Variants in ZNF705G observed in about 807,000 individuals in gnomAD.
ZNF705G encodes the protein zinc finger protein 705G.
A neutral mutation model predicts 19.6 loss-of-function variants in ZNF705G; 23 were observed. The ratio of observed to expected loss-of-function variants is 1.17; its 90% confidence interval spans 0.84 to 1.66. The LOEUF (loss-of-function observed/expected upper bound fraction) is 1.66. Among genes scored for constraint, ZNF705G ranks in the 40% most tolerant of loss-of-function variants. ZNF705G has a pLI of 0.00. For missense variants in ZNF705G, 457 were observed against 354.4 expected, an observed-to-expected ratio of 1.29 and a Z score of -2.32; for synonymous variants, 146 against 117.7, an observed-to-expected ratio of 1.24 and a Z score of -1.56.
rs1292164744 is a variant in ZNF705G at position 7,356,652 on chromosome 8, G to C, written c.*1324C>G. On this transcript the variant is annotated 3_prime_UTR_variant, in exon 7 of 7. Transcript: ENST00000400156. ...TGGACGTTGAAGTAAAGGGAGGTGA[G>C]CTGTGAGGAAAGAGCTGTTGAAGAC... 6.7e-6 allele frequency: 1 copy of C among 149,632 alleles called. No homozygotes were observed. Among genetic ancestry groups the C allele is most frequent in the Non-Finnish European group, 1.5e-5 (1 of 68,056 alleles). 9.3% of individuals were successfully genotyped at this position (149,632 alleles called of 1,614,324 possible).
chr8:7,362,887 C>T (rs779538551), intron 3 of ZNF705G, 48 bp downstream of exon 3: 8 of 1,567,354 alleles, frequency 5.1e-6, no homozygotes, highest in East Asian at 2.2e-5. Flanking sequence ...TGCCCATTTG[C>T]CAGCAATATG....
In ZNF705G at chr8:7,364,991, T is replaced by G. The variant is rs567931939; in HGVS notation, c.-71-1974A>C. Among the ~76,000 whole-genome samples, 40 of 149,782 alleles carry G rather than the reference T, an allele frequency of 2.7e-4. 4 individuals carry two copies. The highest frequency in any genetic ancestry group is 9.2e-4 in the African/African-American group (36 of 39,192). Reference sequence around the variant, plus strand: ...CGAATATCAAAATAAGATTTGGGCTTTAGAGAATATTTGTGTGTAATTATA... The same window carrying G: ...CGAATATCAAAATAAGATTTGGGCTGTAGAGAATATTTGTGTGTAATTATA... On this transcript the variant is annotated intron_variant, in intron 2 of 6. Coordinates refer to ENST00000400156, the MANE Select transcript of ZNF705G (RefSeq NM_001164457.3).
intron 2 of ZNF705G, among the ~76,000 whole-genome samples, chr8:7,374,978 G>A (rs1807201283): frequency 1.1e-5 from 1 of 94,192 alleles, no homozygotes; most frequent in Admixed American, 1.2e-4. Context: ...TCTTACAAAT[G>A]AACAATGGTA....
In ZNF705G at chr8:7,358,648, T is replaced by C. The variant is rs938577383; in HGVS notation, c.319-88A>G. 140 of 1,569,742 alleles carry C rather than the reference T, an allele frequency of 8.9e-5. 2 individuals are homozygous for C. The highest frequency in any genetic ancestry group is 2.4e-4 in the African/African-American group (16 of 67,320). Reference sequence around the variant, plus strand: ...CTACCTTTGAATCCTAGACCAACCATTCAGTGGTAGACCCCAGTTGAAAGC... The same window carrying C: ...CTACCTTTGAATCCTAGACCAACCACTCAGTGGTAGACCCCAGTTGAAAGC... On this transcript the variant is annotated intron_variant, in intron 6 of 6. Transcript: ENST00000400156.
Position 7,381,962 on chromosome 8 carries a change from C to T in ZNF705G, c.-221-361G>A, listed in dbSNP as rs376173086. On this transcript the variant is annotated intron_variant, in intron 1 of 6. Transcript: ENST00000400156. ...TTGAAATAATTTTGGGTAACTAATA[C>T]TTAAATCCAGAAGCAGCAGTTTATT... 9.8e-5 allele frequency among the ~76,000 whole-genome samples: 15 copies of T among 152,314 alleles called. No individual in the cohort carries two copies. In the East Asian group the frequency reaches 2.3e-3, roughly 23 times the overall value.
At position 7,356,265 on chromosome 8, in the gene ZNF705G, T is replaced by A. The variant is rs1363037307; in HGVS notation, c.*1711A>T. 6.7e-6 allele frequency: 1 copy of A among 149,476 alleles called. No homozygotes were observed. Among genetic ancestry groups the A allele is most frequent in the Non-Finnish European group, 1.5e-5 (1 of 68,038 alleles). 9.3% of individuals were successfully genotyped at this position (149,476 alleles called of 1,614,324 possible). On this transcript the variant is annotated 3_prime_UTR_variant, in exon 7 of 7. Transcript: ENST00000400156. ...TTTATCATGCTGGTGTTTTATCTTCTGGACTGCAGTAAAAGGAGCACAGCT... is the reference window on the plus strand; with the variant it reads ...TTTATCATGCTGGTGTTTTATCTTCAGGACTGCAGTAAAAGGAGCACAGCT...
Position 7,362,981 on chromosome 8 carries a change from GA to G in ZNF705G, c.-36del, listed in dbSNP as rs1162157421. ...CTCAGTTTCTCTCTGTCTTCCTCTG[GA>G]TTTCCACTTGCAGACACTTTAGGCA... is the stretch of plus-strand genomic sequence containing the variant. On this transcript the variant is annotated 5_prime_UTR_variant, in exon 3 of 7. Coordinates refer to ENST00000400156, the MANE Select transcript of ZNF705G (RefSeq NM_001164457.3). 6.3e-7 allele frequency: 1 copy of G among 1,589,722 alleles called. No homozygotes were observed. Among genetic ancestry groups the G allele is most frequent in the East Asian group, 2.2e-5 (1 of 44,854 alleles).
intron 2 of ZNF705G, among the ~76,000 whole-genome samples, chr8:7,368,995 C>T (rs932719787): frequency 6.7e-5 from 10 of 149,736 alleles, no homozygotes; most frequent in African/African-American, 2.6e-4. Context: ...ACTTACAGTT[C>T]CACATGGCTG....
intron 2 of ZNF705G, among the ~76,000 whole-genome samples, chr8:7,374,309 A>AT (rs545619092): frequency 0.99 from 21,313 of 21,428 alleles, 10,617 homozygotes; most frequent in Middle Eastern, 1. Flanking sequence ...CATGGGTTTG[A>AT]TTTTTTTAAT....
At position 7,357,678 on chromosome 8, in the gene ZNF705G, T is replaced by C. The variant is rs1294483335; in HGVS notation, c.*298A>G. ...TTTCTCTTCCATATGAATTTATTGATGTGGACTGAAGAATAAAGGTAACTG... is the reference window on the plus strand; with the variant it reads ...TTTCTCTTCCATATGAATTTATTGACGTGGACTGAAGAATAAAGGTAACTG... On this transcript the variant is annotated 3_prime_UTR_variant, in exon 7 of 7. Coordinates refer to ENST00000400156, the MANE Select transcript of ZNF705G (RefSeq NM_001164457.3). 8 of 522,436 alleles carry C rather than the reference T, an allele frequency of 1.5e-5. No individual in the cohort carries two copies. In the East Asian group the frequency reaches 2.9e-4, roughly 19 times the overall value. The allele number at this position is 522,436 out of a possible 1,614,324, so 32.4% of individuals were successfully genotyped here.
rs563486841 is a variant in ZNF705G, at chr8:7,360,652, T to A, written c.140-320A>T. On this transcript the variant is annotated intron_variant, in intron 4 of 6. Transcript: ENST00000400156. ...AGAGTAATTATATCTCTGCACAGTG[T>A]GTTTACTATTATTCTCACGCACAAC... Among the ~76,000 whole-genome samples the A allele has an allele frequency of 6.7e-5, 10 of 149,606 alleles. No homozygotes were observed. The South Asian group carries it at 1.3e-3, about 19-fold the overall frequency.
chr8:7,362,292 T>C (rs1472640641), intron 3 of ZNF705G, among the ~76,000 whole-genome samples: 1 of 149,848 alleles, frequency 6.7e-6, no homozygotes, highest in Non-Finnish European at 1.5e-5. Context: ...TACCAAAAGG[T>C]AAAGTGAATG....
chr8:7,383,792 C>A (rs1807612114), intron 1 of ZNF705G, among the ~76,000 whole-genome samples: 1 of 147,924 alleles, frequency 6.8e-6, no homozygotes, highest in Non-Finnish European at 1.5e-5. Context: ...TCTCCAGACA[C>A]CTATGCCGGT....
intron 3 of ZNF705G, among the ~76,000 whole-genome samples, chr8:7,362,670 G>A (rs1358564981): frequency 6.7e-6 from 1 of 149,454 alleles, no homozygotes; most frequent in Non-Finnish European, 1.5e-5. Flanking sequence ...GAATAAAGTA[G>A]TGTAATATTA....
intron 6 of ZNF705G, 43 bp downstream of exon 6, chr8:7,359,576 G>T: frequency 3.7e-6 from 6 of 1,601,904 alleles, no homozygotes; most frequent in Non-Finnish European, 5.1e-6. Flanking sequence ...CCATTAACAT[G>T]TCTTTAACTT....
At chr8:7,364,887 T>C (rs1186722910) in intron 2 of ZNF705G, among the ~76,000 whole-genome samples, 2 of 149,556 alleles carry the variant, frequency 1.3e-5, no homozygotes, top group Non-Finnish European at 2.9e-5. Flanking sequence ...TTCAAAAAAA[T>C]AAGATATTAG....
At chr8:7,381,081 G>A (rs565980422) in intron 2 of ZNF705G, among the ~76,000 whole-genome samples, 2 of 132,926 alleles carry the variant, frequency 1.5e-5, no homozygotes, top group South Asian at 2.4e-4. Flanking sequence ...GTGATGTCTG[G>A]TAAACAGAAA....
chr8:7,361,951 G>A (rs1256407962), intron 3 of ZNF705G, among the ~76,000 whole-genome samples: 5 of 149,566 alleles, frequency 3.3e-5, no homozygotes, highest in Non-Finnish European at 7.4e-5. Flanking sequence ...CAGTCTAGCA[G>A]CACAAGACAA....
chr8:7,357,443 A>G lies in ZNF705G; in HGVS notation c.*533T>C, dbSNP rs1806326274. 6.0e-6 allele frequency: 1 copy of G among 166,666 alleles called. No homozygotes were observed. The highest frequency in any genetic ancestry group is 1.3e-5 in the Non-Finnish European group (1 of 78,030). 10.3% of individuals were successfully genotyped at this position (166,666 alleles called of 1,614,324 possible). On this transcript the variant is annotated 3_prime_UTR_variant, in exon 7 of 7. Transcript: ENST00000400156. ...TACAAATAAAGGGTTCATCCAAGTA[A>G]AGTTTTCTCATGTTATTTGACAATA...
Sources: allele counts gnomAD v4.1 joint callset (sites outside exome capture counted in the v4.1 genomes callset), GRCh38; gene constraint gnomAD v4.1.1; transcripts MANE v1.5; gene names NCBI Gene and HGNC (gene_info 2026-07-23, HGNC 2026-07-21).